BEND5: variants seen among roughly 807,000 people sequenced by gnomAD.
The protein encoded by BEND5 is BEN domain containing 5, also known as BEN domain-containing protein 5.
A neutral mutation model predicts 43.9 loss-of-function variants in BEND5; 22 were observed. The ratio of observed to expected loss-of-function variants is 0.50; its 90% confidence interval spans 0.36 to 0.72. The LOEUF (loss-of-function observed/expected upper bound fraction) is 0.72, where lower values mean the gene tolerates loss of function less well. Ranked by LOEUF, BEND5 falls within the 30% of genes least tolerant of loss-of-function variation. The pLI is 0.00. For missense variants in BEND5, 428 were observed against 550.6 expected (o/e 0.78, Z 2.23); for synonymous variants, 228 against 225.9 (o/e 1.01, Z -0.08).
intron 5 of BEND5, among the ~76,000 whole-genome samples, chr1:48,733,223 T>C (rs1344107996): frequency 6.6e-6 from 1 of 152,084 alleles, no homozygotes; most frequent in Non-Finnish European, 1.5e-5. Context: ...CAAATATATT[T>C]ACATGATGCT....
At position 48,727,827 on chromosome 1, in the gene BEND5, C is replaced by T. The variant is rs995786871; in HGVS notation, c.*59G>A. ...TGGGGTCTGATTTGGACGGCACCAT[C>T]GCTCGCAAATCACATGCCACACAAG... On this transcript the variant is annotated 3_prime_UTR_variant, in exon 6 of 6. Transcript: ENST00000371833. 1.5e-5 allele frequency: 23 copies of T among 1,497,832 alleles called. No individual in the cohort carries two copies. The African/African-American group carries it at 2.1e-4, about 13-fold the overall frequency. 92.8% of individuals were successfully genotyped at this position (1,497,832 alleles called of 1,614,324 possible). A position where few individuals can be genotyped will look rare whatever the true frequency, so the allele number is the denominator to read the frequency against.
intron 1 of BEND5, among the ~76,000 whole-genome samples, chr1:48,764,884 TGGCTTGG>T (rs1644456205): frequency 6.6e-6 from 1 of 152,206 alleles, no homozygotes; most frequent in African/African-American, 2.4e-5. Context: ...TGGCTTCTGC[TGGCTTGG>T]GGCTTGGGGC....
chr1:48,748,087 A>T (rs79127277), intron 3 of BEND5, among the ~76,000 whole-genome samples: 2 of 152,194 alleles, frequency 1.3e-5, no homozygotes, highest in African/African-American at 4.8e-5. Context: ...CACAGAAAGT[A>T]CTAGATTTGG....
chr1:48,759,793 A>G (rs894627596), intron 2 of BEND5, among the ~76,000 whole-genome samples: 2 of 152,224 alleles, frequency 1.3e-5, no homozygotes, highest in African/African-American at 4.8e-5. Flanking sequence ...TTCATCGACA[A>G]TGCTTTAGAT....
intron 3 of BEND5, among the ~76,000 whole-genome samples, chr1:48,748,922 A>C (rs933283806): frequency 6.6e-6 from 1 of 152,050 alleles, no homozygotes; most frequent in African/African-American, 2.4e-5. Context: ...TTCTAGCATG[A>C]ATCCTGGATT....
intron 1 of BEND5, 54 bp downstream of exon 1, chr1:48,776,552 C>T: frequency 2.3e-6 from 3 of 1,303,192 alleles, no homozygotes; most frequent in Non-Finnish European, 3.0e-6. Context: ...CGGCCCCTCC[C>T]GGGGTCCCAG....
chr1:48,748,672 T>G (rs1651157011), intron 3 of BEND5, among the ~76,000 whole-genome samples: 1 of 152,158 alleles, frequency 6.6e-6, no homozygotes, highest in Non-Finnish European at 1.5e-5. Flanking sequence ...AGGCTCACTG[T>G]GCACAAAGGG....
At chr1:48,734,747 AC>A (rs1648749391) in intron 5 of BEND5, among the ~76,000 whole-genome samples, 1 of 152,046 alleles carries the variant, frequency 6.6e-6, no homozygotes, top group Non-Finnish European at 1.5e-5. Context: ...TTCTCCAACT[AC>A]CCCAGTGAAT....
At chr1:48,756,447 G>A (rs1382924413) in intron 3 of BEND5, among the ~76,000 whole-genome samples, 1 of 152,186 alleles carries the variant, frequency 6.6e-6, no homozygotes, top group Non-Finnish European at 1.5e-5. Context: ...AGAGGGCAAG[G>A]GCTGTATTGC....
chr1:48,771,973 T>C (rs1644858969), intron 1 of BEND5, among the ~76,000 whole-genome samples: 2 of 152,256 alleles, frequency 1.3e-5, no homozygotes, highest in African/African-American at 4.8e-5. Context: ...GGCAGGTTTC[T>C]GTTCTGAAAA....
chr1:48,740,931 T>C (rs997933581), intron 4 of BEND5, among the ~76,000 whole-genome samples: 2 of 152,242 alleles, frequency 1.3e-5, no homozygotes, highest in South Asian at 2.1e-4. Flanking sequence ...GTTAGTCTTA[T>C]AGCAACATGC....
At chr1:48,731,043 G>A (rs1648045524) in intron 5 of BEND5, among the ~76,000 whole-genome samples, 1 of 152,218 alleles carries the variant, frequency 6.6e-6, no homozygotes, top group Admixed American at 6.5e-5. Flanking sequence ...AGAAGAAGAA[G>A]AAATCCTCAC....
chr1:48,754,359 G>A (rs1376336742), intron 3 of BEND5, among the ~76,000 whole-genome samples: 4 of 152,140 alleles, frequency 2.6e-5, no homozygotes, highest in Non-Finnish European at 5.9e-5. Context: ...CTTGTGCATT[G>A]TTTTTTAAAA....
chr1:48,744,460 T>G (rs1650415140), intron 3 of BEND5, among the ~76,000 whole-genome samples: 2 of 152,154 alleles, frequency 1.3e-5, no homozygotes, highest in Admixed American at 1.3e-4. Flanking sequence ...CATAGCTGAG[T>G]TGGCGTGTGA....
chr1:48,751,901 T>C (rs1651799173), intron 3 of BEND5, among the ~76,000 whole-genome samples: 1 of 152,194 alleles, frequency 6.6e-6, no homozygotes, highest in Non-Finnish European at 1.5e-5. Flanking sequence ...AAATCAACTT[T>C]TAAAATAATC....
chr1:48,754,010 T>C (rs1253530784), intron 3 of BEND5, among the ~76,000 whole-genome samples: 1 of 152,216 alleles, frequency 6.6e-6, no homozygotes, highest in Non-Finnish European at 1.5e-5. Context: ...GTGTGCATCC[T>C]GAAGGCAAGG....
At chr1:48,729,042 G>C (rs1281062831) in intron 5 of BEND5, among the ~76,000 whole-genome samples, 2 of 152,240 alleles carry the variant, frequency 1.3e-5, no homozygotes, top group Admixed American at 6.5e-5. Context: ...CCTAGCCTGG[G>C]GACCTGGTGC....
intron 5 of BEND5, among the ~76,000 whole-genome samples, chr1:48,732,046 C>T (rs1648223425): frequency 6.6e-6 from 1 of 152,020 alleles, no homozygotes; most frequent in African/African-American, 2.4e-5. Context: ...AGTAGAGAAA[C>T]TTTAAAATGG....
At chr1:48,754,247 G>A (rs998984880) in intron 3 of BEND5, among the ~76,000 whole-genome samples, 1 of 152,096 alleles carries the variant, frequency 6.6e-6, no homozygotes, top group Non-Finnish European at 1.5e-5. Flanking sequence ...ACACATGGGG[G>A]CTTACCCTCC....
Sources: allele counts gnomAD v4.1 joint callset (sites outside exome capture counted in the v4.1 genomes callset), GRCh38; gene constraint gnomAD v4.1.1; transcripts MANE v1.5; gene names NCBI Gene and HGNC (gene_info 2026-07-23, HGNC 2026-07-21).